Variants in DOCK7 observed in about 807,000 individuals in gnomAD.
DOCK7 encodes the protein dedicator of cytokinesis protein 7.
In DOCK7, 138 loss-of-function variants were observed where a neutral mutation model predicts 271.0. The ratio of observed to expected loss-of-function variants is 0.51; its 90% CI spans 0.44 to 0.59. The LOEUF (loss-of-function observed/expected upper bound fraction) is 0.59. DOCK7 is among the 20% of genes least tolerant of loss of function. The pLI is 0.00. For synonymous variants in DOCK7, 823 were observed against 876.1 expected (o/e 0.94, Z 1.07); for missense variants, 2,066 against 2,592.4 (o/e 0.80, Z 4.41).
chr1:62,671,001 G>A (rs548975964), intron 1 of DOCK7, among the ~76,000 whole-genome samples: 1 of 151,568 alleles, frequency 6.6e-6, no homozygotes, highest in Non-Finnish European at 1.5e-5. Context: ...GCGAGACCAC[G>A]AGCCCACCGG....
intron 2 of DOCK7, among the ~76,000 whole-genome samples, chr1:62,657,344 G>A (rs1327415613): frequency 6.6e-6 from 1 of 152,084 alleles, no homozygotes; most frequent in Non-Finnish European, 1.5e-5. Flanking sequence ...TGTACCAAAA[G>A]AAGACAAGTA....
In DOCK7 at chr1:62,619,989, C is replaced by T; in HGVS notation, c.1430G>A (p.Gly477Glu). Reference protein sequence around the residue: ...LTVTNFFKQEGDRLSDEDLYK... With the variant: ...LTVTNFFKQEEDRLSDEDLYK... ...GAGATCTTCATCACTTAAGCGGTCT[C>T]CTTCCTGATTTCAATAATAGAGGAA... Residue 477 changes from glycine (G) to glutamate (E), a missense_variant, in exon 13 of 50, where the codon GGA (glycine) becomes GAA (glutamate). Gly to Glu is a moderately conservative substitution (Grantham distance 98). This residue lies in a region of DOCK7 where 1,414 missense variants were observed against 1,670.4 expected (regional missense o/e 0.85). Coordinates refer to ENST00000635253, the MANE Select transcript of DOCK7 (RefSeq NM_001367561.1). The T allele has an allele frequency of 6.2e-7, 1 of 1,611,052 alleles. No individual in the cohort carries two copies.
At position 62,457,681 on chromosome 1, in the gene DOCK7, A is replaced by G. The variant is rs1571160560; in HGVS notation, c.6237T>C (p.Asn2079=). 6.2e-7 allele frequency: 1 copy of G among 1,613,212 alleles called. No homozygotes were observed. The highest frequency in any genetic ancestry group is 8.5e-7 in the Non-Finnish European group (1 of 1,179,824). ...TTTGATCCGGCCCAATTAAGCTCTT[A>G]TTTTTTCTTAAGGCATCTTCACACC... ...TKRCEDALRK[N]KSLIGPDQKE... The change falls in exon 49 of 50, where the codon AAT becomes AAC. Residue 2079 remains asparagine, a synonymous_variant. Coordinates refer to ENST00000635253, the MANE Select transcript of DOCK7 (RefSeq NM_001367561.1).
chr1:62,633,210 GA>G (rs1003269847), intron 10 of DOCK7, among the ~76,000 whole-genome samples: 2 of 151,530 alleles, frequency 1.3e-5, no homozygotes, highest in African/African-American at 4.8e-5. Flanking sequence ...TCTCCATGAA[GA>G]AAAAAATGTA....
intron 14 of DOCK7, among the ~76,000 whole-genome samples, chr1:62,617,408 C>A (rs1652579284): frequency 1.3e-5 from 2 of 151,932 alleles, no homozygotes; most frequent in Non-Finnish European, 2.9e-5. Flanking sequence ...TCAAAGAATT[C>A]TCTGGCTGCA....
In DOCK7 at chr1:62,618,781, T is replaced by C; in HGVS notation, c.1607A>G (p.Asp536Gly). ...TTCTCTGGTAGGTCTAACTCTACTG[T>C]CAGGGTAAAGCTTCACTTGAAGCAG... ...PELLQVKLYPDSRVRPTREIL... is the reference protein window; with the variant it reads ...PELLQVKLYPGSRVRPTREIL... The change falls in exon 14 of 50, where the codon GAC (aspartate) becomes GGC (glycine). Residue 536 changes from aspartate to glycine, a missense_variant. By Grantham distance (94) the Asp-to-Gly change is moderately conservative. This residue lies in a region of DOCK7 where 1,414 missense variants were observed against 1,670.4 expected (regional missense o/e 0.85). Coordinates refer to ENST00000635253, the MANE Select transcript of DOCK7 (RefSeq NM_001367561.1). 1 of 1,613,724 alleles carries C rather than the reference T, an allele frequency of 6.2e-7. No homozygotes were observed. Among genetic ancestry groups the C allele is most frequent in the Non-Finnish European group, 8.5e-7 (1 of 1,179,662 alleles).
chr1:62,537,090 T>C (rs1449460463), intron 28 of DOCK7, among the ~76,000 whole-genome samples: 2 of 152,200 alleles, frequency 1.3e-5, no homozygotes, highest in Non-Finnish European at 2.9e-5. Context: ...TTGACTTCTT[T>C]CTCTGTTCAA....
rs145578974 is a variant in DOCK7 at position 62,597,783 on chromosome 1, C to A, written c.1683-11159G>T. On this transcript the variant is annotated intron_variant, in intron 14 of 49. Coordinates refer to ENST00000635253, the MANE Select transcript of DOCK7 (RefSeq NM_001367561.1). ...GAAGGGCCAAATTAATGACATATTT[C>A]AAAAACTCAACATATTTGATCAGTC... 7.2e-5 allele frequency: 116 copies of A among 1,613,344 alleles called. No individual in the cohort carries two copies. Among genetic ancestry groups the A allele is most frequent in the Non-Finnish European group, 9.7e-5 (115 of 1,179,674 alleles).
intron 40 of DOCK7, among the ~76,000 whole-genome samples, chr1:62,493,204 C>G (rs938185019): frequency 6.6e-6 from 1 of 151,916 alleles, no homozygotes; most frequent in Non-Finnish European, 1.5e-5. Flanking sequence ...AAAAAGGGTA[C>G]AAAAATGGTC....
At chr1:62,497,001 A>G (rs943495856) in intron 37 of DOCK7, among the ~76,000 whole-genome samples, 6 of 152,112 alleles carry the variant, frequency 3.9e-5, no homozygotes, top group East Asian at 1.9e-4. Context: ...TTTTTAGTGT[A>G]AATTCATTTC....
At chr1:62,534,131 T>C (rs996811280) in intron 29 of DOCK7, among the ~76,000 whole-genome samples, 19 of 152,194 alleles carry the variant, frequency 1.2e-4, no homozygotes, top group African/African-American at 4.1e-4. Flanking sequence ...CCCGAGCAGC[T>C]GGGATTACAG....
chr1:62,543,915 T>G (rs1309252901), intron 23 of DOCK7, among the ~76,000 whole-genome samples, 170 bp from the exon 24 acceptor site: 1 of 152,196 alleles, frequency 6.6e-6, no homozygotes, highest in Non-Finnish European at 1.5e-5. Context: ...TTAATGACAA[T>G]GCATAAGTAG....
chr1:62,519,054 A>C (rs1369026585), intron 31 of DOCK7, among the ~76,000 whole-genome samples: 1 of 151,526 alleles, frequency 6.6e-6, no homozygotes, highest in Non-Finnish European at 1.5e-5. Flanking sequence ...AACCTAGTGT[A>C]ATTATAACTA....
chr1:62,559,307 A>G (rs1196476803), intron 19 of DOCK7, 87 bp from the exon 20 acceptor site: 2 of 904,082 alleles, frequency 2.2e-6, no homozygotes, highest in Non-Finnish European at 3.3e-6. Flanking sequence ...CAAACATGTC[A>G]TATTACTTGA....
rs908659981 is a variant in DOCK7, at chr1:62,604,748, T to C, written c.1682+13958A>G. The C allele has an allele frequency of 8.7e-6, 14 of 1,613,074 alleles. No homozygotes were observed. The African/African-American group carries it at 1.9e-4, about 22-fold the overall frequency. On this transcript the variant is annotated intron_variant, in intron 14 of 49. Coordinates refer to ENST00000635253, the MANE Select transcript of DOCK7 (RefSeq NM_001367561.1). ...GAGGATTATCTTGGAAGTCTCAAAA[T>C]GGAAGGTTATACTCTATAAAATCAA...
At chr1:62,502,134 A>G (rs922043621) in intron 37 of DOCK7, among the ~76,000 whole-genome samples, 8 of 152,028 alleles carry the variant, frequency 5.3e-5, no homozygotes, top group African/African-American at 1.9e-4. Flanking sequence ...GATATTGTTG[A>G]CTTTTTTTAT....
At chr1:62,637,641 T>C (rs1655444269) in intron 7 of DOCK7, among the ~76,000 whole-genome samples, 1 of 152,148 alleles carries the variant, frequency 6.6e-6, no homozygotes. Flanking sequence ...TCGAGGACCT[T>C]GTAGAAAATA....
At chr1:62,470,676 C>A (rs1440328170) in intron 48 of DOCK7, among the ~76,000 whole-genome samples, 1 of 152,100 alleles carries the variant, frequency 6.6e-6, no homozygotes, top group East Asian at 1.9e-4. Flanking sequence ...CACCTGTAAT[C>A]CCAGCTACTC....
At chr1:62,473,712 T>C (rs567401994) in intron 48 of DOCK7, among the ~76,000 whole-genome samples, 1 of 151,992 alleles carries the variant, frequency 6.6e-6, no homozygotes, top group Non-Finnish European at 1.5e-5. Flanking sequence ...GCCTCCCGAG[T>C]AGCTGGCACT....
Sources: gnomAD v4.1 joint callset for allele counts (sites outside exome capture counted in the v4.1 genomes callset) on GRCh38, gnomAD v4.1.1 for gene constraint, gnomAD v4.1.1 regional missense constraint, MANE v1.5 for transcripts, NCBI Gene and HGNC (gene_info 2026-07-23, HGNC 2026-07-21) for gene names.